PIEZO2: variants seen among roughly 807,000 people sequenced by gnomAD.
PIEZO2 encodes piezo type mechanosensitive ion channel component 2.
Under a neutral mutation model 337.3 loss-of-function variants are expected in PIEZO2, and 172 were observed. The observed-to-expected ratio is 0.51, with a 90% CI of 0.45 to 0.58. The LOEUF (loss-of-function observed/expected upper bound fraction) is 0.58, where lower values mean the gene tolerates loss of function less well. PIEZO2 is among the 20% of genes least tolerant of loss of function. The probability of loss-of-function intolerance (pLI) is 0.00; values close to 1 mark genes in which losing one functional copy is unlikely to be tolerated. For missense variants in PIEZO2, 3,028 were observed against 3,391.3 expected (o/e 0.89, Z 2.66); for synonymous variants, 1,251 against 1,228.5 (o/e 1.02, Z -0.38).
At chr18:10,990,242 T>A (rs993255471) in intron 2 of PIEZO2, among the ~76,000 whole-genome samples, 1 of 152,172 alleles carries the variant, frequency 6.6e-6, no homozygotes. Flanking sequence ...ATAACATGTA[T>A]CTTACAAATA....
At chr18:10,871,003 TG>T (rs905902006) in intron 5 of PIEZO2, among the ~76,000 whole-genome samples, 2 of 151,226 alleles carry the variant, frequency 1.3e-5, no homozygotes, top group Non-Finnish European at 3.0e-5. Flanking sequence ...TTTGGGGTGG[TG>T]GGTCAAAGCC....
intron 3 of PIEZO2, among the ~76,000 whole-genome samples, chr18:10,912,512 T>C (rs2030571013): frequency 2.0e-5 from 3 of 152,166 alleles, no homozygotes; most frequent in Admixed American, 2.0e-4. Flanking sequence ...CTTCTGTCAA[T>C]AGGAAACGGT....
intron 4 of PIEZO2, among the ~76,000 whole-genome samples, chr18:10,890,114 G>T (rs748989615): frequency 3.9e-5 from 6 of 152,226 alleles, no homozygotes; most frequent in African/African-American, 1.4e-4. Context: ...GGCTAGCAAA[G>T]CTCTTGTGAA....
intron 2 of PIEZO2, among the ~76,000 whole-genome samples, chr18:10,985,672 T>C (rs555653874): frequency 1.6e-4 from 24 of 152,076 alleles, no homozygotes; most frequent in African/African-American, 5.8e-4. Context: ...TATTTTGGGG[T>C]CTTTCATGGT....
At position 10,727,946 on chromosome 18, in the gene PIEZO2, C is replaced by G. The variant is rs1178587670; in HGVS notation, c.5029+3461G>C. On this transcript the variant is annotated intron_variant, in intron 36 of 55. Transcript: ENST00000674853. The surrounding 1 kb of genome is among the most constrained non-coding windows in gnomAD (Gnocchi z 6.3). The stretch of plus-strand genomic sequence containing the variant: ...CCAGAGGGAAGCCAGACAATTAAAA[C>G]AGTAATAACAAAAAAAAAAAAGAAA... 2 of 140,420 alleles carry G rather than the reference C, an allele frequency of 1.4e-5. No homozygotes were observed. Among genetic ancestry groups the G allele is most frequent in the Non-Finnish European group, 3.1e-5 (2 of 65,182 alleles). 8.7% of individuals were successfully genotyped at this position (140,420 alleles called of 1,614,324 possible). A position where few individuals can be genotyped will look rare whatever the true frequency, so the allele number is the denominator to read the frequency against.
chr18:11,118,756 A>G (rs1285175414), intron 1 of PIEZO2, among the ~76,000 whole-genome samples: 1 of 97,964 alleles, frequency 1.0e-5, no homozygotes, highest in Non-Finnish European at 2.9e-5. Flanking sequence ...CAGGTTAATT[A>G]CAGAAAAAAA....
chr18:10,891,838 G>A (rs2042765926), intron 4 of PIEZO2, among the ~76,000 whole-genome samples: 2 of 152,150 alleles, frequency 1.3e-5, no homozygotes, highest in South Asian at 4.1e-4. Context: ...TAAAGCTTCT[G>A]TTAAGCAAAT....
At chr18:10,709,828 G>A (rs2035747218) in intron 39 of PIEZO2, among the ~76,000 whole-genome samples, 1 of 152,260 alleles carries the variant, frequency 6.6e-6, no homozygotes, top group Non-Finnish European at 1.5e-5. Flanking sequence ...ATAAGCCTGT[G>A]AGCAACCAAA....
At chr18:10,924,987 A>G (rs1006328040) in intron 3 of PIEZO2, among the ~76,000 whole-genome samples, 5 of 152,264 alleles carry the variant, frequency 3.3e-5, no homozygotes, top group African/African-American at 9.6e-5. Flanking sequence ...GTTTAAACTT[A>G]CAATAGCAGC....
rs1030370368 is a variant in PIEZO2 at position 10,859,714 on chromosome 18, A to G, written c.493-2503T>C. Among the ~76,000 whole-genome samples the G allele has an allele frequency of 2.6e-5, 4 of 152,160 alleles. No homozygotes were observed. The highest frequency in any genetic ancestry group is 5.9e-5 in the Non-Finnish European group (4 of 68,028). ...CCATTTAGAGTAAAAATGCTTCCCT[A>G]CCTAATTTCTCTTGAACCTACTCAA... On this transcript the variant is annotated intron_variant, in intron 5 of 55. Transcript: ENST00000674853. This position sits in a 1 kb window ranked among gnomAD's most constrained non-coding sequence, Gnocchi z 4.9.
At chr18:10,810,844 AAC>A (rs2040165372) in intron 7 of PIEZO2, among the ~76,000 whole-genome samples, 1 of 152,170 alleles carries the variant, frequency 6.6e-6, no homozygotes, top group Non-Finnish European at 1.5e-5. Flanking sequence ...CTCTTAGGAT[AAC>A]ACCAGCCCCC....
chr18:10,884,719 G>C (rs1366511089), intron 4 of PIEZO2, among the ~76,000 whole-genome samples: 1 of 152,114 alleles, frequency 6.6e-6, no homozygotes, highest in Non-Finnish European at 1.5e-5. Flanking sequence ...TTAGTGCATC[G>C]AATAACTTAA....
rs1322117262 is a variant in PIEZO2, at chr18:10,966,218, C to CT, written c.286+13316dup. ...CTCAAGCCAGAAATCTGGGCATCAT[C>CT]TTAGGTCTTTCCTTCTTCCCAGTAG... On this transcript the variant is annotated intron_variant, in intron 3 of 55. Coordinates refer to ENST00000674853, the MANE Select transcript of PIEZO2 (RefSeq NM_001378183.1). 3.3e-5 allele frequency among the ~76,000 whole-genome samples: 5 copies of CT among 152,306 alleles called. No individual in the cohort carries two copies. In the South Asian group the frequency reaches 6.2e-4, roughly 19 times the overall value.
Position 10,795,083 on chromosome 18 carries a change from T to A in PIEZO2, c.1528-81A>T. On this transcript the variant is annotated intron_variant, in intron 12 of 55. Coordinates refer to ENST00000674853, the MANE Select transcript of PIEZO2 (RefSeq NM_001378183.1). This position sits in a 1 kb window ranked among gnomAD's most constrained non-coding sequence, Gnocchi z 4.4. ...CCGCCCTGGTAAGGTAAAAACTATC[T>A]AAAAAGAAAAGGTCATAATATTCAA... is the stretch of plus-strand genomic sequence containing the variant. 8.4e-7 allele frequency: 1 copy of A among 1,194,414 alleles called. No homozygotes were observed. Among genetic ancestry groups the A allele is most frequent in the Non-Finnish European group, 1.2e-6 (1 of 848,342 alleles). The allele number at this position is 1,194,414 out of a possible 1,614,324, so 74.0% of individuals were successfully genotyped here.
chr18:10,708,775 GT>G (rs1380677565), intron 39 of PIEZO2, among the ~76,000 whole-genome samples: 1 of 152,210 alleles, frequency 6.6e-6, no homozygotes, highest in African/African-American at 2.4e-5. Flanking sequence ...GTAACAGAGG[GT>G]TTCTTTTAAA....
chr18:10,706,463 C>T (rs2035591715), intron 40 of PIEZO2, among the ~76,000 whole-genome samples: 1 of 152,154 alleles, frequency 6.6e-6, no homozygotes, highest in Admixed American at 6.5e-5. Flanking sequence ...CGCAAGCTCT[C>T]CTTGGCCCTT....
intron 3 of PIEZO2, among the ~76,000 whole-genome samples, chr18:10,946,251 C>T (rs1198389021): frequency 6.6e-6 from 1 of 152,028 alleles, no homozygotes. Context: ...GGCAGACAAA[C>T]AAAGATAGGA....
chr18:11,086,434 GC>G (rs1198897202), intron 1 of PIEZO2, among the ~76,000 whole-genome samples: 2 of 151,260 alleles, frequency 1.3e-5, no homozygotes, highest in African/African-American at 4.9e-5. Context: ...CAGGAGAATG[GC>G]CTGAACCCGG....
chr18:10,796,137 G>A (rs765651978), intron 12 of PIEZO2, among the ~76,000 whole-genome samples: 1 of 152,012 alleles, frequency 6.6e-6, no homozygotes, highest in Non-Finnish European at 1.5e-5. Context: ...GGCCGAGGCG[G>A]GCGGATCATG....
Sources: allele counts gnomAD v4.1 joint callset (sites outside exome capture counted in the v4.1 genomes callset), GRCh38; gene constraint gnomAD v4.1.1; non-coding constraint Gnocchi (gnomAD v3.1); transcripts MANE v1.5; gene names NCBI Gene and HGNC (gene_info 2026-07-23, HGNC 2026-07-21).